Variants in PRKAR1B observed in about 807,000 individuals in gnomAD.
PRKAR1B encodes cAMP-dependent protein kinase type I-beta regulatory subunit.
Under a neutral mutation model 46.5 loss-of-function variants are expected in PRKAR1B, and 22 were observed. That is an observed-to-expected ratio of 0.47 (90% CI 0.34 to 0.68). The LOEUF is 0.68. Among genes scored for constraint, PRKAR1B ranks in the 30% least tolerant of loss-of-function variants. The probability of loss-of-function intolerance (pLI) is 0.01; values close to 1 mark genes in which losing one functional copy is unlikely to be tolerated. For missense variants in PRKAR1B, 445 were observed against 535.6 expected (o/e 0.83, Z 1.67); for synonymous variants, 259 against 217.7 (o/e 1.19, Z -1.67).
At chr7:580,456 C>T (rs139138737) in intron 8 of PRKAR1B, among the ~76,000 whole-genome samples, 11,535 of 152,024 alleles carry the variant, frequency 0.076, 580 homozygotes, top group East Asian at 0.12. Flanking sequence ...AACTGCCCAT[C>T]GAAAAGAAAC....
At chr7:600,950 G>A (rs1562552271) in intron 6 of PRKAR1B, among the ~76,000 whole-genome samples, 3 of 152,174 alleles carry the variant, frequency 2.0e-5, no homozygotes, top group South Asian at 4.1e-4. Context: ...AGGCACTTTC[G>A]GAGTCTCTGG....
intron 2 of PRKAR1B, among the ~76,000 whole-genome samples, chr7:704,574 G>C (rs542065825): frequency 1.3e-5 from 2 of 150,982 alleles, no homozygotes; most frequent in African/African-American, 2.4e-5. Flanking sequence ...TCAGGAGTTC[G>C]AGAGCAGCCT....
At chr7:692,877 C>T (rs1779513269) in intron 2 of PRKAR1B, among the ~76,000 whole-genome samples, 1 of 152,022 alleles carries the variant, frequency 6.6e-6, no homozygotes, top group South Asian at 2.1e-4. Context: ...GGCTTCATCC[C>T]AGATGCCCTG....
At chr7:676,975 G>A (rs1242341777) in intron 4 of PRKAR1B, among the ~76,000 whole-genome samples, 1 of 151,304 alleles carries the variant, frequency 6.6e-6, no homozygotes, top group African/African-American at 2.4e-5. Context: ...GTGACTCCCG[G>A]GCAAGCAATG....
intron 1 of PRKAR1B, among the ~76,000 whole-genome samples, chr7:725,222 A>C (rs1408976146): frequency 6.6e-6 from 1 of 152,116 alleles, no homozygotes; most frequent in East Asian, 1.9e-4. Flanking sequence ...TCAAAAAAAA[A>C]AAAAAAAGAC....
At chr7:632,955 C>T (rs538611292) in intron 4 of PRKAR1B, among the ~76,000 whole-genome samples, 9 of 152,242 alleles carry the variant, frequency 5.9e-5, no homozygotes, top group South Asian at 4.1e-4. Flanking sequence ...CGGCCGGCTC[C>T]GGCAAGCCTC....
At chr7:672,588 C>T (rs540284816) in intron 4 of PRKAR1B, among the ~76,000 whole-genome samples, 1 of 152,162 alleles carries the variant, frequency 6.6e-6, no homozygotes, top group Admixed American at 6.5e-5. Context: ...AAAATAATAG[C>T]CAGGCGCGAT....
chr7:570,918 A>G (rs1779470317), intron 9 of PRKAR1B, among the ~76,000 whole-genome samples: 1 of 150,938 alleles, frequency 6.6e-6, no homozygotes, highest in African/African-American at 2.4e-5. Context: ...GTCCTGCTTC[A>G]CGTCTCTTCC....
chr7:589,583 G>A (rs139839535), intron 7 of PRKAR1B, among the ~76,000 whole-genome samples: 1 of 152,144 alleles, frequency 6.6e-6, no homozygotes, highest in African/African-American at 2.4e-5. Context: ...CTCAGGGTCG[G>A]TGTGGCCTGC....
At chr7:573,913 C>G (rs1779673391) in intron 9 of PRKAR1B, among the ~76,000 whole-genome samples, 1 of 152,214 alleles carries the variant, frequency 6.6e-6, no homozygotes, top group Non-Finnish European at 1.5e-5. Context: ...GCGTGGCTGG[C>G]AGAATCCCCC....
At chr7:704,542 G>A (rs969901800) in intron 2 of PRKAR1B, among the ~76,000 whole-genome samples, 4 of 152,184 alleles carry the variant, frequency 2.6e-5, no homozygotes, top group Non-Finnish European at 5.9e-5. Flanking sequence ...TTGGGAGGCC[G>A]AGGCGGGTGG....
At chr7:605,585 C>G (rs28679575) in intron 6 of PRKAR1B, among the ~76,000 whole-genome samples, 20,484 of 152,216 alleles carry the variant, frequency 0.13, 2,212 homozygotes, top group African/African-American at 0.3. Flanking sequence ...GCCTGGCCAT[C>G]GGGCACGAGA....
chr7:555,008 C>G (rs1218510198), intron 9 of PRKAR1B, among the ~76,000 whole-genome samples: 1 of 152,172 alleles, frequency 6.6e-6, no homozygotes, highest in Non-Finnish European at 1.5e-5. Flanking sequence ...TGCCGTGGCT[C>G]CGGGAGTCAC....
Position 635,282 on chromosome 7 carries a change from T to C in PRKAR1B, c.441-27830A>G, listed in dbSNP as rs571347369. Among the ~76,000 whole-genome samples, 26 of 152,320 alleles carry C rather than the reference T, an allele frequency of 1.7e-4. 1 individual carries two copies. In the South Asian group the frequency reaches 3.5e-3, roughly 21 times the overall value. On this transcript the variant is annotated intron_variant, in intron 4 of 10. Transcript: ENST00000537384. ...TGGGCCCCAAGGCCCAGCCCTCCCC[T>C]GGCAGCTTCCACATCTCAGGACCAG... is the stretch of plus-strand genomic sequence containing the variant.
At chr7:685,259 T>TAC (rs1554303062) in intron 2 of PRKAR1B, among the ~76,000 whole-genome samples, 2 of 105,758 alleles carry the variant, frequency 1.9e-5, no homozygotes, top group African/African-American at 8.3e-5. Flanking sequence ...GTTTTATATA[T>TAC]ACATATATAC....
chr7:585,106 A>G (rs1016415654), intron 7 of PRKAR1B, among the ~76,000 whole-genome samples: 10 of 152,162 alleles, frequency 6.6e-5, no homozygotes, highest in African/African-American at 2.4e-4. Flanking sequence ...ATACAATACC[A>G]ACAAACACGG....
chr7:666,864 T>A lies in PRKAR1B; in HGVS notation c.440+10365A>T, dbSNP rs1356244091. Among the ~76,000 whole-genome samples, 1 of 152,182 alleles carries A rather than the reference T, an allele frequency of 6.6e-6. No individual in the cohort carries two copies. Among genetic ancestry groups the A allele is most frequent in the Admixed American group, 6.5e-5 (1 of 15,280 alleles). On this transcript the variant is annotated intron_variant, in intron 4 of 10. Transcript: ENST00000537384. The surrounding 1 kb of genome is among the most constrained non-coding windows in gnomAD (Gnocchi z 4.9). ...CCAGCCTCCAAGGGGCAAGGCACCA[T>A]CCAGAAGAAGTACCTTCATGGACTC... is the stretch of plus-strand genomic sequence containing the variant.
intron 1 of PRKAR1B, among the ~76,000 whole-genome samples, chr7:711,889 C>T (rs1237904654): frequency 6.6e-6 from 1 of 152,138 alleles, no homozygotes; most frequent in East Asian, 1.9e-4. Flanking sequence ...TCCAGGGCCT[C>T]GTCCTCCTCC....
chr7:567,830 T>G (rs904774478), intron 9 of PRKAR1B, among the ~76,000 whole-genome samples: 1 of 149,728 alleles, frequency 6.7e-6, no homozygotes, highest in African/African-American at 2.4e-5. Context: ...TTCAAACTCA[T>G]AGAGACAGAA....
Sources: allele counts gnomAD v4.1 joint callset (sites outside exome capture counted in the v4.1 genomes callset), GRCh38; gene constraint gnomAD v4.1.1; non-coding constraint Gnocchi (gnomAD v3.1); transcripts MANE v1.5; gene names NCBI Gene and HGNC (gene_info 2026-07-23, HGNC 2026-07-21).